The following USP25 variants were observed in gnomAD, a reference collection of about 807,000 sequenced individuals.
The protein encoded by USP25 is ubiquitin carboxyl-terminal hydrolase 25.
A neutral mutation model predicts 158.5 loss-of-function variants in USP25; 85 were observed. That is an observed-to-expected ratio of 0.54 (90% CI 0.45 to 0.64). USP25 has a LOEUF of 0.64. Among genes scored for constraint, USP25 ranks in the 30% least tolerant of loss-of-function variants. The pLI is 0.00. For synonymous variants in USP25, 464 were observed against 460.4 expected (o/e 1.01, Z -0.10); for missense variants, 1,242 against 1,327.3 (o/e 0.94, Z 1.00).
At chr21:15,775,114 T>C (rs759655122) in intron 3 of USP25, among the ~76,000 whole-genome samples, 1 of 152,188 alleles carries the variant, frequency 6.6e-6, no homozygotes, top group Non-Finnish European at 1.5e-5. Context: ...CGTCTTATGA[T>C]GTGCTTCATT....
At chr21:15,814,828 A>T (rs140108640) in intron 9 of USP25, among the ~76,000 whole-genome samples, 36 of 152,334 alleles carry the variant, frequency 2.4e-4, no homozygotes, top group African/African-American at 8.7e-4. Flanking sequence ...TAGAGCAGAA[A>T]ACCCCATTTT....
chr21:15,742,992 G>A (rs1344536484), intron 1 of USP25, among the ~76,000 whole-genome samples: 3 of 152,246 alleles, frequency 2.0e-5, no homozygotes, highest in African/African-American at 7.2e-5. Context: ...AGCAACCGTG[G>A]AGCCCCAAGG....
chr21:15,869,217 C>T (rs2039781896), intron 22 of USP25, among the ~76,000 whole-genome samples: 1 of 148,356 alleles, frequency 6.7e-6, no homozygotes, highest in Non-Finnish European at 1.5e-5. Context: ...CACTGCACTG[C>T]AGACTGGGCA....
rs190729691 is a variant in USP25 at position 15,853,659 on chromosome 21, A to T, written c.2547+3787A>T. Among the ~76,000 whole-genome samples, 388 of 152,258 alleles carry T rather than the reference A, an allele frequency of 2.5e-3. 1 individual carries two copies. Among genetic ancestry groups the T allele is most frequent in the Non-Finnish European group, 4.7e-3 (323 of 68,012 alleles). On this transcript the variant is annotated intron_variant, in intron 20 of 25. Coordinates refer to ENST00000400183, the MANE Select transcript of USP25 (RefSeq NM_001283041.3). The stretch of plus-strand genomic sequence containing the variant: ...TTTTAAATTCAAATGCTTACTGTTT[A>T]ACTCATTAGCATTTTATTTGGGCTT...
intron 4 of USP25, among the ~76,000 whole-genome samples, chr21:15,789,086 G>T (rs1467788595): frequency 6.6e-6 from 1 of 152,048 alleles, no homozygotes; most frequent in Non-Finnish European, 1.5e-5. Flanking sequence ...AAGTACATTT[G>T]AGGCCACACA....
At chr21:15,844,587 C>T (rs778676474) in intron 18 of USP25, among the ~76,000 whole-genome samples, 4 of 151,876 alleles carry the variant, frequency 2.6e-5, no homozygotes, top group South Asian at 2.1e-4. Flanking sequence ...TCCTGGAAAG[C>T]GTAGAATCAT....
At chr21:15,801,482 A>G (rs2036131319) in intron 6 of USP25, among the ~76,000 whole-genome samples, 1 of 151,534 alleles carries the variant, frequency 6.6e-6, no homozygotes, top group Non-Finnish European at 1.5e-5. Flanking sequence ...GCAATTTTAT[A>G]TGATTATTCC....
chr21:15,826,306 T>C lies in USP25; in HGVS notation c.1407T>C (p.Val469=), dbSNP rs1424071781. ...ASSKPVCTSP[V]DDIDASSPPS... ...GTAAACCTGTTTGCACTTCTCCTGT[T>C]GACGATATTGACGCTAGTTCCCCAC... Residue 469 remains valine, a synonymous_variant, in exon 13 of 26, where the codon GTT becomes GTC. Transcript: ENST00000400183. This position sits in a 1 kb window ranked among gnomAD's most constrained non-coding sequence, Gnocchi z 4.8. The C allele has an allele frequency of 2.5e-6, 4 of 1,613,992 alleles. No homozygotes were observed. In the African/African-American group the frequency reaches 4.0e-5, roughly 16 times the overall value.
At chr21:15,732,891 C>A (rs1007438092) in intron 1 of USP25, among the ~76,000 whole-genome samples, 5 of 152,008 alleles carry the variant, frequency 3.3e-5, no homozygotes, top group African/African-American at 4.8e-5. Flanking sequence ...TGCTTGATTG[C>A]TGGAGTTTGG....
intron 18 of USP25, among the ~76,000 whole-genome samples, chr21:15,845,710 T>G (rs531565718): frequency 6.6e-6 from 1 of 152,120 alleles, no homozygotes; most frequent in Non-Finnish European, 1.5e-5. Flanking sequence ...TTGGATTGGT[T>G]TGCTAGTGAG....
At chr21:15,819,461 G>A (rs1433700835) in intron 10 of USP25, among the ~76,000 whole-genome samples, 2 of 152,266 alleles carry the variant, frequency 1.3e-5, no homozygotes, top group Non-Finnish European at 2.9e-5. Flanking sequence ...TTTTGGCACT[G>A]TAATAGTAAG....
intron 20 of USP25, among the ~76,000 whole-genome samples, chr21:15,857,697 G>A (rs1233709940): frequency 6.6e-6 from 1 of 151,792 alleles, no homozygotes; most frequent in Non-Finnish European, 1.5e-5. Context: ...TTTATTTTTT[G>A]TGTCTTACTA....
chr21:15,824,070 C>G lies in USP25; in HGVS notation c.1112C>G (p.Thr371Arg), dbSNP rs1224445196. The G allele has an allele frequency of 3.1e-6, 5 of 1,613,370 alleles. No individual in the cohort carries two copies. The highest frequency in any genetic ancestry group is 2.7e-5 in the African/African-American group (2 of 74,888). ...HWFTELPPVLTFELSRFEFNQ... is the reference protein window; with the variant it reads ...HWFTELPPVLRFELSRFEFNQ... ...TTTACTGAATTACCACCTGTGTTAA[C>G]ATTTGAATTGTCAAGATTTGAATTT... is the stretch of plus-strand genomic sequence containing the variant. Residue 371 changes from threonine to arginine, a missense_variant, in exon 11 of 26, where the codon ACA (threonine) becomes AGA (arginine). Transcript: ENST00000400183.
chr21:15,846,978 T>TATC (rs1206456603), intron 18 of USP25, among the ~76,000 whole-genome samples: 1 of 152,154 alleles, frequency 6.6e-6, no homozygotes, highest in African/African-American at 2.4e-5. Context: ...TAAAAATGGG[T>TATC]ATCAGCTTCC....
intron 1 of USP25, among the ~76,000 whole-genome samples, chr21:15,735,562 T>A (rs1295038607): frequency 6.6e-6 from 1 of 152,196 alleles, no homozygotes; most frequent in Non-Finnish European, 1.5e-5. Flanking sequence ...GATTCTTTAA[T>A]GAGATTGCTT....
At chr21:15,808,752 A>G in intron 7 of USP25, 57 bp from the exon 8 acceptor site, 2 of 1,323,400 alleles carry the variant, frequency 1.5e-6, no homozygotes, top group East Asian at 4.8e-5. Context: ...ATGTTACAAC[A>G]TCTAGTATTT....
chr21:15,758,950 C>G (rs1035023144), intron 1 of USP25, among the ~76,000 whole-genome samples: 25 of 152,138 alleles, frequency 1.6e-4, no homozygotes, highest in African/African-American at 5.8e-4. Flanking sequence ...TGGGTGGGGA[C>G]ACAGCCATTT....
At chr21:15,873,868 C>A (rs77053465) in intron 23 of USP25, among the ~76,000 whole-genome samples, 11,390 of 152,064 alleles carry the variant, frequency 0.075, 500 homozygotes, top group East Asian at 0.099. Context: ...TAGAAGAAAT[C>A]TTTCATTGTC....
intron 16 of USP25, 93 bp from the exon 17 acceptor site, chr21:15,833,255 G>C: frequency 8.3e-7 from 1 of 1,204,426 alleles, no homozygotes; most frequent in Non-Finnish European, 1.2e-6. Context: ...ATAATTCATA[G>C]TTTAAATTCT....
Sources: allele counts gnomAD v4.1 joint callset (sites outside exome capture counted in the v4.1 genomes callset), GRCh38; gene constraint gnomAD v4.1.1; non-coding constraint Gnocchi (gnomAD v3.1); transcripts MANE v1.5; gene names NCBI Gene and HGNC (gene_info 2026-07-23, HGNC 2026-07-21).